The following NOTCH3 variants were observed in gnomAD, a reference collection of about 807,000 sequenced individuals.
NOTCH3 encodes notch receptor 3.
NOTCH3 carries 86 observed loss-of-function variants against 213.3 expected under a neutral mutation model. The observed-to-expected ratio is 0.40, with a 90% CI of 0.34 to 0.48. The LOEUF (loss-of-function observed/expected upper bound fraction) is 0.48, where lower values mean the gene tolerates loss of function less well. NOTCH3 is among the 20% of genes least tolerant of loss of function. NOTCH3 has a pLI of 0.57. For missense variants in NOTCH3, 2,783 were observed against 3,272.6 expected (o/e 0.85, Z 3.65); for synonymous variants, 1,354 against 1,355.9 (o/e 1.00, Z 0.03).
rs2046938545 is a variant in NOTCH3, at chr19:15,192,534, G to A, written c.198-15C>T. 6.4e-7 allele frequency: 1 copy of A among 1,569,246 alleles called. No individual in the cohort carries two copies. The highest frequency in any genetic ancestry group is 8.6e-7 in the Non-Finnish European group (1 of 1,158,024). On this transcript the variant is annotated splice_polypyrimidine_tract_variant and intron_variant, in intron 2 of 32. Coordinates refer to ENST00000263388, the MANE Select transcript of NOTCH3 (RefSeq NM_000435.3). ...CAGGCGGGCACCTGTGGGCAGAGAT[G>A]GCTTGGTTGGGCAGCACAGGGCAGG...
At chr19:15,170,597 G>A in intron 26 of NOTCH3, 44 bp from the exon 27 acceptor site, 1 of 1,588,504 alleles carries the variant, frequency 6.3e-7, no homozygotes, top group Non-Finnish European at 8.5e-7. Context: ...CGAGGGCGGG[G>A]CTTTGGCCTC....
At position 15,179,032 on chromosome 19, in the gene NOTCH3, G is replaced by A; in HGVS notation, c.3711C>T (p.Gly1237=). 1 of 1,614,220 alleles carries A rather than the reference G, an allele frequency of 6.2e-7. No homozygotes were observed. Among genetic ancestry groups the A allele is most frequent in the Non-Finnish European group, 8.5e-7 (1 of 1,180,046 alleles). ...GGGFRCLCHA[G]FSGPRCQTVL... ...CCCTTCGCCAACGCTTACCTGAGAA[G>A]CCAGCATGACAAAGGCAACGGAAAC... is the stretch of plus-strand genomic sequence containing the variant. Residue 1237 remains glycine, a synonymous_variant, in exon 22 of 33, where the codon GGC becomes GGT. Coordinates refer to ENST00000263388, the MANE Select transcript of NOTCH3 (RefSeq NM_000435.3).
rs1315611534 is a variant in NOTCH3, at chr19:15,200,190, C to G, written c.118+598G>C. ...TCCCAGGGCCTCCGGGTCCCCGCGG[C>G]CAGAGGAGAGAGGCGGGCTGCGGGC... is the stretch of plus-strand genomic sequence containing the variant. On this transcript the variant is annotated intron_variant, in intron 1 of 32. Coordinates refer to ENST00000263388, the MANE Select transcript of NOTCH3 (RefSeq NM_000435.3). 2.7e-5 allele frequency among the ~76,000 whole-genome samples: 4 copies of G among 149,726 alleles called. No homozygotes were observed. In the East Asian group the frequency reaches 8.0e-4, roughly 30 times the overall value.
chr19:15,167,679 G>A (rs895554664), intron 28 of NOTCH3, among the ~76,000 whole-genome samples: 1 of 152,076 alleles, frequency 6.6e-6, no homozygotes, highest in African/African-American at 2.4e-5. Flanking sequence ...TCAGCCTCTG[G>A]AGTAGCTGGG....
At chr19:15,161,828 C>T in intron 32 of NOTCH3, 114 bp from the exon 33 acceptor site, 1 of 894,066 alleles carries the variant, frequency 1.1e-6, no homozygotes, top group Non-Finnish European at 1.7e-6. Flanking sequence ...GCTTGACAGA[C>T]CTGGGTTAAA....
At position 15,179,237 on chromosome 19, in the gene NOTCH3, G is replaced by A. The variant is rs1160108455; in HGVS notation, c.3506C>T (p.Pro1169Leu). The change falls in exon 22 of 33, where the codon CCG becomes CTG. Residue 1169 changes from proline to leucine, a missense_variant. Physicochemically the swap from Pro to Leu is moderately conservative, Grantham distance 98 (BLOSUM62 -3). Coordinates refer to ENST00000263388, the MANE Select transcript of NOTCH3 (RefSeq NM_000435.3). ...TAGGCACCGGGGCCCTGAGTCCAGC[G>A]GTGGGCCTGGGCCGCAGTCATCCTC... ...INEDDCGPGP[P>L]LDSGPRCLHN... 9.3e-6 allele frequency: 15 copies of A among 1,613,836 alleles called. No individual in the cohort carries two copies. The highest frequency in any genetic ancestry group is 3.3e-4 in the Middle Eastern group (2 of 6,084).
chr19:15,166,238 T>A (rs563051256), intron 29 of NOTCH3, 147 bp from the exon 30 acceptor site: 16 of 720,900 alleles, frequency 2.2e-5, no homozygotes, highest in Non-Finnish European at 3.8e-5. Flanking sequence ...ACACCCAGAA[T>A]GAGGATTCGT....
rs1458535935 is a variant in NOTCH3 at position 15,185,330 on chromosome 19, C to T, written c.2223G>A (p.Gln741=). 2.5e-6 allele frequency: 4 copies of T among 1,612,578 alleles called. No individual in the cohort carries two copies. The highest frequency in any genetic ancestry group is 3.4e-6 in the Non-Finnish European group (4 of 1,179,892). Residue 741 remains glutamine, a synonymous_variant, in exon 14 of 33, where the codon CAG becomes CAA. Transcript: ENST00000263388. This position sits in a 1 kb window ranked among gnomAD's most constrained non-coding sequence, Gnocchi z 4.2. The part of the protein sequence containing the change: ...QSLARDACES[Q]PCRAGGTCSS... ...TGCATGTCCCACCGGCCCTGCACGG[C>T]TGGGACTCACAGGCGTCTCGGGCCA...
intron 12 of NOTCH3, 31 bp downstream of exon 12, chr19:15,186,847 G>A (rs748721254): frequency 5.8e-6 from 9 of 1,557,930 alleles, no homozygotes; most frequent in Non-Finnish European, 8.0e-6. Context: ...CTCGATCTAA[G>A]GACCCCCTCT....
intron 23 of NOTCH3, 47 bp downstream of exon 23, chr19:15,178,776 G>A (rs1229451012): frequency 7.3e-7 from 1 of 1,365,926 alleles, no homozygotes; most frequent in South Asian, 1.2e-5. Context: ...TACTACTCCA[G>A]AGGCCACGCC....
At chr19:15,194,103 G>T (rs1366718694) in intron 2 of NOTCH3, among the ~76,000 whole-genome samples, 1 of 151,898 alleles carries the variant, frequency 6.6e-6, no homozygotes, top group African/African-American at 2.4e-5. Context: ...TAAAAGATTA[G>T]CTGGCCGTGG....
Position 15,180,265 on chromosome 19 carries a change from A to T in NOTCH3, c.3143-9T>A. The T allele has an allele frequency of 6.2e-7, 1 of 1,613,670 alleles. No individual in the cohort carries two copies. Among genetic ancestry groups the T allele is most frequent in the Non-Finnish European group, 8.5e-7 (1 of 1,179,978 alleles). On this transcript the variant is annotated splice_polypyrimidine_tract_variant and intron_variant, in intron 19 of 32. Transcript: ENST00000263388. ...CTGCTCCAGCCGCACCCCTGCAAAGAGGAGAGTGGCACAGGAACAGAGGTA... is the reference window on the plus strand; with the variant it reads ...CTGCTCCAGCCGCACCCCTGCAAAGTGGAGAGTGGCACAGGAACAGAGGTA...
chr19:15,180,884 A>C, intron 18 of NOTCH3, 56 bp from the exon 19 acceptor site: 1 of 1,603,010 alleles, frequency 6.2e-7, no homozygotes, highest in African/African-American at 1.3e-5. Flanking sequence ...TCTGGGAGAA[A>C]CTGTGCCCCG....
chr19:15,178,095 G>A lies in NOTCH3; in HGVS notation c.3838-5C>T, dbSNP rs1459439225. On this transcript the variant is annotated splice_region_variant and splice_polypyrimidine_tract_variant and intron_variant, in intron 23 of 32. Transcript: ENST00000263388. ...GCAACGCGGACCCCAGAACGGCTGG[G>A]GGTCGGGTTTGGGGAGGGAGGGATA... 2.0e-6 allele frequency: 3 copies of A among 1,519,438 alleles called. No individual in the cohort carries two copies. In the African/African-American group the frequency reaches 4.2e-5, roughly 21 times the overall value. The allele number at this position is 1,519,438 out of a possible 1,614,324, so 94.1% of individuals were successfully genotyped here. A position where few individuals can be genotyped will look rare whatever the true frequency, so the allele number is the denominator to read the frequency against.
chr19:15,185,533 C>A lies in NOTCH3; in HGVS notation c.2098G>T (p.Ala700Ser). 1 of 1,612,842 alleles carries A rather than the reference C, an allele frequency of 6.2e-7. No individual in the cohort carries two copies. The highest frequency in any genetic ancestry group is 1.3e-5 in the African/African-American group (1 of 74,628). Residue 700 changes from alanine (A) to serine (S), a missense_variant, in exon 13 of 33, where the codon GCC (alanine) becomes TCC (serine). Ala to Ser is a moderately conservative substitution (Grantham distance 99, BLOSUM62 1). Coordinates refer to ENST00000263388, the MANE Select transcript of NOTCH3 (RefSeq NM_000435.3). The surrounding 1 kb of genome is among the most constrained non-coding windows in gnomAD (Gnocchi z 4.2). ...ATGCCGTGACTGCAGGGCTCATGGG[C>A]ACAGGGATGGCTCGGGGGGAGGCAG... ...PLCLPPSHPCAHEPCSHGICY... is the reference protein window; with the variant it reads ...PLCLPPSHPCSHEPCSHGICY...
chr19:15,200,712 G>A (rs2145457147), intron 1 of NOTCH3, 76 bp downstream of exon 1: 1 of 1,112,994 alleles, frequency 9.0e-7, no homozygotes, highest in Non-Finnish European at 1.1e-6. Context: ...ATGAACCCCC[G>A]CCAGCCCCGG....
chr19:15,171,388 C>T (rs1216731516), intron 25 of NOTCH3, among the ~76,000 whole-genome samples: 5 of 152,154 alleles, frequency 3.3e-5, no homozygotes, highest in Admixed American at 1.3e-4. Context: ...TTCACTCTGT[C>T]GCCCAGGCTA....
intron 2 of NOTCH3, among the ~76,000 whole-genome samples, chr19:15,194,729 G>A (rs1471113041): frequency 6.6e-6 from 1 of 152,096 alleles, no homozygotes; most frequent in Non-Finnish European, 1.5e-5. Flanking sequence ...ACCGAGGCAG[G>A]TAGATCACCT....
intron 2 of NOTCH3, among the ~76,000 whole-genome samples, chr19:15,195,903 G>C (rs1482406265): frequency 1.3e-5 from 2 of 151,312 alleles, no homozygotes; most frequent in East Asian, 3.9e-4. Context: ...CCTAAGCTTT[G>C]GGGGAGACGG....
Sources: allele counts gnomAD v4.1 joint callset (sites outside exome capture counted in the v4.1 genomes callset), GRCh38; gene constraint gnomAD v4.1.1; non-coding constraint Gnocchi (gnomAD v3.1); transcripts MANE v1.5; gene names NCBI Gene and HGNC (gene_info 2026-07-23, HGNC 2026-07-21).